Variants in ARHGAP12 observed in about 807,000 individuals in gnomAD.
The protein encoded by ARHGAP12 is rho GTPase-activating protein 12.
In ARHGAP12, 64 loss-of-function variants were observed where a neutral mutation model predicts 108.6. The ratio of observed to expected loss-of-function variants is 0.59; its 90% CI spans 0.48 to 0.73. The LOEUF (loss-of-function observed/expected upper bound fraction) is 0.73, where lower values mean the gene tolerates loss of function less well. Among genes scored for constraint, ARHGAP12 ranks in the 30% least tolerant of loss-of-function variants. ARHGAP12 has a pLI of 0.00. For missense variants in ARHGAP12, 940 were observed against 1,005.9 expected (o/e 0.93, Z 0.89); for synonymous variants, 312 against 337.2 (o/e 0.93, Z 0.82).
At chr10:31,894,857 G>C (rs1838614179) in intron 3 of ARHGAP12, among the ~76,000 whole-genome samples, 1 of 152,110 alleles carries the variant, frequency 6.6e-6, no homozygotes, top group Non-Finnish European at 1.5e-5. Context: ...TATACTACAA[G>C]GCTACAGTAA....
chr10:31,882,987 C>T (rs1423075834), intron 3 of ARHGAP12, among the ~76,000 whole-genome samples: 1 of 151,712 alleles, frequency 6.6e-6, no homozygotes, highest in African/African-American at 2.4e-5. Context: ...ATTAAGGTTT[C>T]TCTGCATTAA....
intron 2 of ARHGAP12, among the ~76,000 whole-genome samples, chr10:31,909,379 C>T (rs908126057): frequency 2.6e-5 from 4 of 152,044 alleles, no homozygotes. Flanking sequence ...CACGGCATTA[C>T]GGGTTTAAAT....
At chr10:31,813,723 G>C (rs533214731) in intron 14 of ARHGAP12, among the ~76,000 whole-genome samples, 1 of 152,108 alleles carries the variant, frequency 6.6e-6, no homozygotes, top group Non-Finnish European at 1.5e-5. Flanking sequence ...AATTCATAAG[G>C]GGCCAACATT....
chr10:31,829,025 G>C (rs975359429), intron 10 of ARHGAP12, among the ~76,000 whole-genome samples: 11 of 152,076 alleles, frequency 7.2e-5, no homozygotes, highest in Admixed American at 3.3e-4. Context: ...AGTGGCACAT[G>C]CCTGTAATCC....
At chr10:31,820,036 C>T (rs1017514032) in intron 12 of ARHGAP12, among the ~76,000 whole-genome samples, 5 of 151,612 alleles carry the variant, frequency 3.3e-5, no homozygotes, top group African/African-American at 1.2e-4. Context: ...ATATCCCATA[C>T]ACCCCCTGCC....
intron 3 of ARHGAP12, among the ~76,000 whole-genome samples, chr10:31,894,111 G>C (rs1838573850): frequency 6.6e-6 from 1 of 152,104 alleles, no homozygotes; most frequent in African/African-American, 2.4e-5. Flanking sequence ...AATAATAAGA[G>C]CTATCTATGA....
chr10:31,908,555 G>A lies in ARHGAP12; in HGVS notation c.301C>T (p.Gln101Ter). 1 of 1,614,174 alleles carries A rather than the reference G, an allele frequency of 6.2e-7. No homozygotes were observed. Among genetic ancestry groups the A allele is most frequent in the Non-Finnish European group, 8.5e-7 (1 of 1,180,012 alleles). Residue 101 changes from glutamine to a stop codon, truncating the protein, a stop_gained, in exon 3 of 20, where the codon CAG (glutamine) becomes TAG (stop). Transcript: ENST00000344936. LOFTEE classifies it high-confidence loss of function. ...TTGTTCACATTTTCTGTTGATCTCT[G>A]AAGATGCAAACTCTGCATTATTTTC... ...STKIMQSLHL[Q>*]RSTENVNKLP...
intron 2 of ARHGAP12, among the ~76,000 whole-genome samples, 186 bp from the exon 3 acceptor site, chr10:31,909,112 T>C (rs920819036): frequency 2.6e-5 from 4 of 152,204 alleles, no homozygotes; most frequent in African/African-American, 9.7e-5. Flanking sequence ...TTCATTCTAA[T>C]TGTAATCTAC....
intron 6 of ARHGAP12, among the ~76,000 whole-genome samples, chr10:31,846,836 G>C (rs774895408): frequency 9.3e-5 from 14 of 150,702 alleles, no homozygotes; most frequent in Non-Finnish European, 1.9e-4. Flanking sequence ...TCTCCTTCTG[G>C]AACTCCAATG....
intron 6 of ARHGAP12, among the ~76,000 whole-genome samples, chr10:31,846,184 AAC>A (rs1836455778): frequency 6.6e-6 from 1 of 152,200 alleles, no homozygotes; most frequent in Admixed American, 6.5e-5. Flanking sequence ...CTCTTTATGA[AAC>A]AGTTGTCTTA....
In ARHGAP12 at chr10:31,807,841, A is replaced by C; in HGVS notation, c.2367-9T>G. On this transcript the variant is annotated splice_polypyrimidine_tract_variant and intron_variant, in intron 19 of 19. Coordinates refer to ENST00000344936, the MANE Select transcript of ARHGAP12 (RefSeq NM_018287.7). ...CTCCATTTTCTATAACTCTGAAGGG[A>C]AAAAAAGAAGTTGTTAAAAGAGAAA... 6.7e-7 allele frequency: 1 copy of C among 1,496,282 alleles called. No individual in the cohort carries two copies. The highest frequency in any genetic ancestry group is 8.9e-7 in the Non-Finnish European group (1 of 1,119,964). 92.7% of individuals were successfully genotyped at this position (1,496,282 alleles called of 1,614,324 possible).
intron 4 of ARHGAP12, among the ~76,000 whole-genome samples, chr10:31,858,872 A>G (rs1047937171): frequency 6.6e-6 from 1 of 152,358 alleles, no homozygotes; most frequent in East Asian, 1.9e-4. Flanking sequence ...GGAAGAAAGT[A>G]GAATCTAAAC....
intron 8 of ARHGAP12, 140 bp from the exon 9 acceptor site, chr10:31,839,459 G>A: frequency 4.6e-6 from 5 of 1,088,776 alleles, no homozygotes; most frequent in Non-Finnish European, 6.4e-6. Flanking sequence ...TTAAACAAAA[G>A]GGGGACTTTT....
At chr10:31,867,901 T>TA (rs147528775) in intron 3 of ARHGAP12, among the ~76,000 whole-genome samples, 182 of 146,288 alleles carry the variant, frequency 1.2e-3, no homozygotes, top group African/African-American at 2.6e-3. Context: ...ATTTCTGATT[T>TA]AAAAAAAAAA....
chr10:31,862,825 A>T (rs1249717150), intron 3 of ARHGAP12, among the ~76,000 whole-genome samples: 1 of 152,122 alleles, frequency 6.6e-6, no homozygotes, highest in Non-Finnish European at 1.5e-5. Flanking sequence ...GCCCTAGTTG[A>T]GGAACCACTG....
intron 4 of ARHGAP12, among the ~76,000 whole-genome samples, chr10:31,855,725 T>A (rs909886469): frequency 1.3e-5 from 2 of 152,162 alleles, no homozygotes; most frequent in Admixed American, 6.5e-5. Context: ...TAAAATTAAT[T>A]TAAGAAACAA....
intron 3 of ARHGAP12, among the ~76,000 whole-genome samples, chr10:31,897,821 G>C (rs1048129284): frequency 2.6e-5 from 4 of 152,120 alleles, no homozygotes; most frequent in Admixed American, 6.5e-5. Context: ...TATTAGACGG[G>C]AAACTGAAAA....
intron 10 of ARHGAP12, among the ~76,000 whole-genome samples, chr10:31,831,409 G>T (rs993612604): frequency 2.0e-5 from 3 of 152,018 alleles, no homozygotes; most frequent in South Asian, 2.1e-4. Flanking sequence ...AAGTAATGCC[G>T]GCTGGGGGAT....
chr10:31,880,945 C>T (rs898266901), intron 3 of ARHGAP12, among the ~76,000 whole-genome samples: 5 of 151,214 alleles, frequency 3.3e-5, no homozygotes, highest in Admixed American at 3.3e-4. Flanking sequence ...CACCTGTGGT[C>T]CCAGCTACTC....
Sources: gnomAD v4.1 joint callset for allele counts (sites outside exome capture counted in the v4.1 genomes callset) on GRCh38, gnomAD v4.1.1 for gene constraint, MANE v1.5 for transcripts, NCBI Gene and HGNC (gene_info 2026-07-23, HGNC 2026-07-21) for gene names.